The following IP6K2 variants were observed in gnomAD, a reference collection of about 807,000 sequenced individuals.
IP6K2 encodes ATP:1D-myo-inositol-hexakisphosphate phosphotransferase.
A neutral mutation model predicts 43.3 loss-of-function variants in IP6K2; 9 were observed. The ratio of observed to expected loss-of-function variants is 0.21; its 90% CI spans 0.13 to 0.36. IP6K2 has a LOEUF of 0.36. Among genes scored for constraint, IP6K2 ranks in the 10% least tolerant of loss-of-function variants. IP6K2 has a pLI of 1.00. For missense variants in IP6K2, 332 were observed against 538.4 expected, an observed-to-expected ratio of 0.62 and a Z score of 3.79; for synonymous variants, 209 against 202.4, an observed-to-expected ratio of 1.03 and a Z score of -0.28.
chr3:48,715,422 T>C (rs1371528444), intron 1 of IP6K2: 1 of 1,536,262 alleles, frequency 6.5e-7, no homozygotes, highest in East Asian at 2.4e-5. Flanking sequence ...GAAGGGAGAC[T>C]GGCAAAGGTT....
chr3:48,699,596 G>C (rs1263565959), intron 1 of IP6K2: 2 of 152,146 alleles, frequency 1.3e-5, no homozygotes, highest in African/African-American at 2.4e-5. Context: ...ATTTTGGGTA[G>C]AAAGATAGGA....
At chr3:48,714,422 T>TCA (rs2080938314) in intron 1 of IP6K2, among the ~76,000 whole-genome samples, 1 of 151,916 alleles carries the variant, frequency 6.6e-6, no homozygotes. Flanking sequence ...AGATGGAGTC[T>TCA]CACTCTGTCG....
At chr3:48,714,483 C>T (rs1405734699) in intron 1 of IP6K2, among the ~76,000 whole-genome samples, 1 of 152,052 alleles carries the variant, frequency 6.6e-6, no homozygotes, top group African/African-American at 2.4e-5. Context: ...ATCTCCACCC[C>T]CTGGGTTCAA....
chr3:48,693,439 C>A lies in IP6K2; in HGVS notation c.203-260G>T, dbSNP rs931094599. The A allele has an allele frequency of 2.9e-6, 4 of 1,397,932 alleles. No homozygotes were observed. In the Admixed American group the frequency reaches 1.1e-4, roughly 39 times the overall value. 86.6% of individuals were successfully genotyped at this position (1,397,932 alleles called of 1,614,324 possible). A position where few individuals can be genotyped will look rare whatever the true frequency, so the allele number is the denominator to read the frequency against. On this transcript the variant is annotated intron_variant, in intron 2 of 5. Coordinates refer to ENST00000328631, the MANE Select transcript of IP6K2 (RefSeq NM_016291.4). ...CAACGAGGCAAGAGCCAAAGAATTA[C>A]AAGACACATTTTTCCATCATTGAAA...
In IP6K2 at chr3:48,688,425, C is replaced by T. The variant is rs1452127883; in HGVS notation, c.1129G>A (p.Val377Ile). 5.0e-6 allele frequency: 8 copies of T among 1,614,112 alleles called. No homozygotes were observed. The highest frequency in any genetic ancestry group is 8.5e-7 in the Non-Finnish European group (1 of 1,180,044). ...GCAAAGTCGATCATGCGCACATCTA[C>T]AGAGCTGGCGCCGATGGGTTTGTAG... ...YAYKPIGASSVDVRMIDFAHT... is the reference protein window; with the variant it reads ...YAYKPIGASSIDVRMIDFAHT... The change falls in exon 6 of 6, where the codon GTA (valine) becomes ATA (isoleucine). Residue 377 changes from valine (V) to isoleucine (I), a missense_variant. Transcript: ENST00000328631. The surrounding 1 kb of genome is among the most constrained non-coding windows in gnomAD (Gnocchi z 5.1).
chr3:48,710,262 C>T (rs934486312), intron 1 of IP6K2, among the ~76,000 whole-genome samples: 19 of 152,006 alleles, frequency 1.2e-4, no homozygotes, highest in African/African-American at 3.6e-4. Flanking sequence ...TGGTGGCATG[C>T]GCCTGTAGTC....
At chr3:48,702,721 TA>T (rs1356334112) in intron 1 of IP6K2, among the ~76,000 whole-genome samples, 1 of 152,176 alleles carries the variant, frequency 6.6e-6, no homozygotes, top group Non-Finnish European at 1.5e-5. Flanking sequence ...CCGTCTGACA[TA>T]CTCTACGTTT....
intron 2 of IP6K2, chr3:48,694,747 T>C: frequency 6.6e-7 from 1 of 1,516,680 alleles, no homozygotes. Context: ...CGGCAAGTAT[T>C]CTGGGTAAAA....
intron 1 of IP6K2, among the ~76,000 whole-genome samples, chr3:48,715,702 T>TGCTC: frequency 6.8e-6 from 1 of 147,424 alleles, no homozygotes; most frequent in South Asian, 2.1e-4. Flanking sequence ...TTTCATTTCT[T>TGCTC]TCTCTCTCTC....
intron 1 of IP6K2, among the ~76,000 whole-genome samples, chr3:48,707,219 AGAG>A (rs1157996383): frequency 6.6e-6 from 1 of 152,176 alleles, no homozygotes; most frequent in African/African-American, 2.4e-5. Flanking sequence ...TACTGGGGGA[AGAG>A]GAGGATTCAA....
intron 2 of IP6K2, chr3:48,694,276 C>T (rs2078063692): frequency 6.4e-7 from 1 of 1,551,456 alleles, no homozygotes; most frequent in Non-Finnish European, 8.7e-7. Flanking sequence ...CAAGTGAGGG[C>T]CCCCAACTCC....
intron 1 of IP6K2, among the ~76,000 whole-genome samples, chr3:48,713,421 A>G (rs1187565360): frequency 2.6e-5 from 4 of 152,244 alleles, no homozygotes; most frequent in Admixed American, 2.6e-4. Flanking sequence ...GGGCCAGAGC[A>G]GGCAACGTGG....
chr3:48,705,341 G>A, intron 1 of IP6K2, among the ~76,000 whole-genome samples: 1 of 152,002 alleles, frequency 6.6e-6, no homozygotes, highest in East Asian at 1.9e-4. Flanking sequence ...ACAGGCATGA[G>A]CCACTGCACC....
At position 48,688,821 on chromosome 3, in the gene IP6K2, C is replaced by A; in HGVS notation, c.781-48G>T. On this transcript the variant is annotated intron_variant, in intron 5 of 5. Coordinates refer to ENST00000328631, the MANE Select transcript of IP6K2 (RefSeq NM_016291.4). The surrounding 1 kb of genome is among the most constrained non-coding windows in gnomAD (Gnocchi z 5.1). ...TCAGGGGCTGAGGGCCATCTCAAAC[C>A]CTGGACCCCGGGCGGGGGTGGGGTG... 6.4e-7 allele frequency: 1 copy of A among 1,554,112 alleles called. No individual in the cohort carries two copies.
Position 48,694,299 on chromosome 3 carries a change from G to T in IP6K2, c.202+791C>A, listed in dbSNP as rs993679894. On this transcript the variant is annotated intron_variant, in intron 2 of 5. Coordinates refer to ENST00000328631, the MANE Select transcript of IP6K2 (RefSeq NM_016291.4). ...GGCCCCCAACTCCCCCATCCCCACC[G>T]CAATACACATGCATATTCAGAGTAC... 23 of 1,551,166 alleles carry T rather than the reference G, an allele frequency of 1.5e-5. No individual in the cohort carries two copies. The South Asian group carries it at 2.5e-4, about 17-fold the overall frequency.
intron 1 of IP6K2, chr3:48,699,787 G>A (rs1269737830): frequency 2.0e-5 from 3 of 152,170 alleles, no homozygotes; most frequent in African/African-American, 7.2e-5. Context: ...TCGTTTTACG[G>A]TCTGTAAAAT....
chr3:48,702,679 C>A (rs1321403715), intron 1 of IP6K2, among the ~76,000 whole-genome samples: 5 of 152,260 alleles, frequency 3.3e-5, no homozygotes, highest in Admixed American at 6.5e-5. Flanking sequence ...CCCTGGGGCA[C>A]CCCTGCTTTA....
At chr3:48,714,483 C>G (rs1405734699) in intron 1 of IP6K2, among the ~76,000 whole-genome samples, 2 of 152,052 alleles carry the variant, frequency 1.3e-5, no homozygotes, top group Non-Finnish European at 2.9e-5. Flanking sequence ...ATCTCCACCC[C>G]CTGGGTTCAA....
rs376799462 is a variant in IP6K2 at position 48,688,223 on chromosome 3, C to A, written c.*50G>T. On this transcript the variant is annotated 3_prime_UTR_variant, in exon 6 of 6. Transcript: ENST00000328631. The surrounding 1 kb of genome is among the most constrained non-coding windows in gnomAD (Gnocchi z 5.1). ...TGGCTTCCTCCCTGACGCAGCACAG[C>A]TGTGCCTGGGACACAGAGTCGCTCT... The A allele has an allele frequency of 1.9e-6, 3 of 1,589,290 alleles. No individual in the cohort carries two copies. Among genetic ancestry groups the A allele is most frequent in the Middle Eastern group, 1.7e-4 (1 of 5,930 alleles).
Sources: gnomAD v4.1 joint callset for allele counts (sites outside exome capture counted in the v4.1 genomes callset) on GRCh38, gnomAD v4.1.1 for gene constraint, Gnocchi (gnomAD v3.1) non-coding constraint, MANE v1.5 for transcripts, NCBI Gene and HGNC (gene_info 2026-07-23, HGNC 2026-07-21) for gene names.